The following ARMC8 variants were observed in gnomAD, a reference collection of about 807,000 sequenced individuals.
The protein encoded by ARMC8 is armadillo repeat-containing protein 8.
ARMC8 carries 20 observed loss-of-function variants against 99.3 expected under a neutral mutation model. That is an observed-to-expected ratio of 0.20 (90% CI 0.14 to 0.29). The LOEUF (loss-of-function observed/expected upper bound fraction) is 0.29, where lower values mean the gene tolerates loss of function less well. Among genes scored for constraint, ARMC8 ranks in the 10% least tolerant of loss-of-function variants. The probability of loss-of-function intolerance (pLI) is 1.00; values close to 1 mark genes in which losing one functional copy is unlikely to be tolerated. For missense variants in ARMC8, 569 were observed against 809.5 expected, an observed-to-expected ratio of 0.70 and a Z score of 3.60; for synonymous variants, 263 against 278.3, an observed-to-expected ratio of 0.95 and a Z score of 0.55.
chr3:138,194,964 G>T (rs915108313), intron 1 of ARMC8, among the ~76,000 whole-genome samples: 3 of 152,018 alleles, frequency 2.0e-5, no homozygotes, highest in Admixed American at 2.0e-4. Context: ...ATGTCAGTAG[G>T]TGGTCCTAAA....
intron 1 of ARMC8, chr3:138,188,336 T>C: frequency 7.6e-7 from 1 of 1,311,932 alleles, no homozygotes. Context: ...TTCCCCATTG[T>C]TGAAAGAAGG....
intron 2 of ARMC8, among the ~76,000 whole-genome samples, chr3:138,213,138 T>G (rs2108040527): frequency 6.6e-6 from 1 of 152,348 alleles, no homozygotes; most frequent in South Asian, 2.1e-4. Context: ...TGTAGCATAC[T>G]AGCAGGAAAA....
At chr3:138,222,033 T>C in intron 3 of ARMC8, 36 bp downstream of exon 3, 2 of 1,510,600 alleles carry the variant, frequency 1.3e-6, no homozygotes, top group Non-Finnish European at 1.8e-6. Flanking sequence ...TTGCCATTCA[T>C]ACTAGTTTCT....
intron 12 of ARMC8, among the ~76,000 whole-genome samples, chr3:138,255,417 C>T (rs557317105): frequency 2.8e-4 from 42 of 151,924 alleles, no homozygotes; most frequent in African/African-American, 9.4e-4. Flanking sequence ...TTAGTCAGGA[C>T]AGTCTCGATC....
At chr3:138,195,458 G>A (rs1273841260) in intron 1 of ARMC8, among the ~76,000 whole-genome samples, 1 of 152,134 alleles carries the variant, frequency 6.6e-6, no homozygotes, top group Non-Finnish European at 1.5e-5. Flanking sequence ...GCATGTTCAG[G>A]AAGTCTTTTA....
Position 138,297,174 on chromosome 3 carries a change from A to C in ARMC8, c.*1282A>C, listed in dbSNP as rs1315898284. On this transcript the variant is annotated 3_prime_UTR_variant, in exon 22 of 22. Transcript: ENST00000469044. ...AAGATGCAACTAAAATCTTTCCTGC[A>C]TGAAGCTAAAAGCACTCAAGTTGAG... is the stretch of plus-strand genomic sequence containing the variant. The C allele has an allele frequency of 6.6e-6, 1 of 152,234 alleles. No homozygotes were observed. The highest frequency in any genetic ancestry group is 1.5e-5 in the Non-Finnish European group (1 of 68,036). 9.4% of individuals were successfully genotyped at this position (152,234 alleles called of 1,614,324 possible).
intron 11 of ARMC8, among the ~76,000 whole-genome samples, chr3:138,243,610 G>A (rs1187771272): frequency 6.6e-6 from 1 of 152,100 alleles, no homozygotes; most frequent in Non-Finnish European, 1.5e-5. Context: ...GAACTATTAA[G>A]AATTGCCTTC....
chr3:138,194,956 G>A (rs537338005), intron 1 of ARMC8, among the ~76,000 whole-genome samples: 198 of 152,204 alleles, frequency 1.3e-3, no homozygotes, highest in Non-Finnish European at 1.9e-3. Flanking sequence ...TACAGGGTAT[G>A]TCAGTAGGTG....
chr3:138,188,186 G>GT (rs943239884), intron 1 of ARMC8: 9 of 317,086 alleles, frequency 2.8e-5, no homozygotes, highest in African/African-American at 1.5e-4. Flanking sequence ...AGTGTGTGTG[G>GT]TTTTTTAAGC....
At chr3:138,210,374 C>CT (rs34842085) in intron 2 of ARMC8, among the ~76,000 whole-genome samples, 1 of 152,100 alleles carries the variant, frequency 6.6e-6, no homozygotes, top group Non-Finnish European at 1.5e-5. Flanking sequence ...ACCATAATGC[C>CT]TTTTTTTCTC....
chr3:138,272,921 A>G (rs773357441), intron 16 of ARMC8, 46 bp from the exon 17 acceptor site: 5 of 1,360,900 alleles, frequency 3.7e-6, no homozygotes, highest in Non-Finnish European at 3.9e-6. Context: ...ATAATTTAAT[A>G]AAGTAAATGT....
chr3:138,218,568 T>C (rs1404319523), intron 2 of ARMC8, among the ~76,000 whole-genome samples: 1 of 152,222 alleles, frequency 6.6e-6, no homozygotes, highest in Non-Finnish European at 1.5e-5. Flanking sequence ...CTAAGGTTTA[T>C]CTTAGTTCTT....
At position 138,267,566 on chromosome 3, in the gene ARMC8, C is replaced by G. The variant is rs1420461497; in HGVS notation, c.1386+325C>G. ...GTAAACTATTCTCAGGCTATCTTTACTAAAGAATAAATTAAGACTAAATTT... is the reference window on the plus strand; with the variant it reads ...GTAAACTATTCTCAGGCTATCTTTAGTAAAGAATAAATTAAGACTAAATTT... On this transcript the variant is annotated intron_variant, in intron 15 of 21. Transcript: ENST00000469044. 2.6e-5 allele frequency among the ~76,000 whole-genome samples: 4 copies of G among 152,182 alleles called. No individual in the cohort carries two copies. The East Asian group carries it at 7.7e-4, about 29-fold the overall frequency.
chr3:138,219,086 C>T (rs1233668293), intron 2 of ARMC8, among the ~76,000 whole-genome samples: 1 of 151,976 alleles, frequency 6.6e-6, no homozygotes, highest in Non-Finnish European at 1.5e-5. Context: ...ATATTGGGTT[C>T]TGAAAAAAGG....
At chr3:138,213,441 T>A (rs943722980) in intron 2 of ARMC8, among the ~76,000 whole-genome samples, 6 of 152,208 alleles carry the variant, frequency 3.9e-5, no homozygotes, top group Non-Finnish European at 8.8e-5. Flanking sequence ...AAGGTTTGAA[T>A]ACAAAATCAG....
At chr3:138,273,747 A>G (rs2048996784) in intron 17 of ARMC8, among the ~76,000 whole-genome samples, 2 of 150,058 alleles carry the variant, frequency 1.3e-5, no homozygotes, top group Admixed American at 1.3e-4. Context: ...CCAAGATAGT[A>G]TTAGGAAATC....
At chr3:138,269,599 C>G (rs2048583942) in intron 15 of ARMC8, among the ~76,000 whole-genome samples, 1 of 152,118 alleles carries the variant, frequency 6.6e-6, no homozygotes, top group South Asian at 2.1e-4. Context: ...ATATTTCTTT[C>G]CTTTACCAAC....
At chr3:138,252,547 G>A (rs1012199542) in intron 12 of ARMC8, among the ~76,000 whole-genome samples, 20 of 149,754 alleles carry the variant, frequency 1.3e-4, no homozygotes, top group Non-Finnish European at 2.8e-4. Flanking sequence ...TCCGTCTCCT[G>A]GGTTCAAGCG....
At chr3:138,257,515 C>A (rs2047466493) in intron 12 of ARMC8, among the ~76,000 whole-genome samples, 2 of 152,124 alleles carry the variant, frequency 1.3e-5, no homozygotes, top group South Asian at 2.1e-4. Flanking sequence ...CCCAGTCTAT[C>A]CAGATAAGCT....
Sources: allele counts gnomAD v4.1 joint callset (sites outside exome capture counted in the v4.1 genomes callset), GRCh38; gene constraint gnomAD v4.1.1; transcripts MANE v1.5; gene names NCBI Gene and HGNC (gene_info 2026-07-23, HGNC 2026-07-21).